Variants in COL28A1 observed in about 807,000 individuals in gnomAD.
The protein encoded by COL28A1 is collagen type XXVIII alpha 1 chain.
COL28A1 carries 161 observed loss-of-function variants against 150.2 expected under a neutral mutation model. The observed-to-expected ratio is 1.07, with a 90% confidence interval of 0.94 to 1.22. The LOEUF is 1.22. Among genes scored for constraint, COL28A1 ranks in the 50% most tolerant of loss-of-function variants. The pLI is 0.00. For missense variants in COL28A1, 1,617 were observed against 1,388.3 expected (o/e 1.16, Z -2.62); for synonymous variants, 552 against 469.7 (o/e 1.18, Z -2.26).
chr7:7,380,998 G>GA (rs1256475384), intron 28 of COL28A1, 136 bp from the exon 29 acceptor site: 34 of 700,842 alleles, frequency 4.9e-5, no homozygotes, highest in African/African-American at 2.2e-4. Context: ...TGCAGTATTT[G>GA]AAAAAAAATT....
At position 7,431,484 on chromosome 7, in the gene COL28A1, T is replaced by C. The variant is rs987592894; in HGVS notation, c.1998+989A>G. 5 of 469,922 alleles carry C rather than the reference T, an allele frequency of 1.1e-5. No individual in the cohort carries two copies. The Admixed American group carries it at 1.2e-4, about 11-fold the overall frequency. 29.1% of individuals were successfully genotyped at this position (469,922 alleles called of 1,614,324 possible). A position where few individuals can be genotyped will look rare whatever the true frequency, so the allele number is the denominator to read the frequency against. On this transcript the variant is annotated intron_variant, in intron 25 of 34. Transcript: ENST00000399429. ...TATGGGTGGTCGGGGAGGTGACATT[T>C]GAGCTAAGCTTTTAATAATCAGCCA...
At chr7:7,515,947 A>G in intron 7 of COL28A1, 107 bp from the exon 8 acceptor site, 1 of 647,542 alleles carries the variant, frequency 1.5e-6, no homozygotes, top group African/African-American at 1.9e-5. Context: ...ACATCTATAC[A>G]GTCTGGAAAA....
intron 27 of COL28A1, among the ~76,000 whole-genome samples, chr7:7,382,753 TA>T (rs1335487622): frequency 1.3e-5 from 2 of 152,076 alleles, no homozygotes; most frequent in Non-Finnish European, 2.9e-5. Context: ...GCATGCTTGA[TA>T]AAAATTGCAT....
At chr7:7,349,857 G>C in the COL28A1 span, among the ~76,000 whole-genome samples, 1 of 152,158 alleles carries the variant, frequency 6.6e-6, no homozygotes, top group Non-Finnish European at 1.5e-5. Flanking sequence ...GAGGTAGGGA[G>C]AGAGTAAGGG....
At position 7,474,684 on chromosome 7, in the gene COL28A1, G is replaced by T. The variant is rs773907245; in HGVS notation, c.1234-15C>A. On this transcript the variant is annotated splice_polypyrimidine_tract_variant and intron_variant, in intron 14 of 34. Transcript: ENST00000399429. ...CCTTTTTCACCCTGAAAGTACAAGG[G>T]AGGGATATCAATGCACCAACCAAAA... is the stretch of plus-strand genomic sequence containing the variant. 1 of 1,181,662 alleles carries T rather than the reference G, an allele frequency of 8.5e-7. No individual in the cohort carries two copies. The highest frequency in any genetic ancestry group is 1.3e-6 in the Non-Finnish European group (1 of 785,234). The allele number at this position is 1,181,662 out of a possible 1,614,324, so 73.2% of individuals were successfully genotyped here.
At position 7,408,771 on chromosome 7, in the gene COL28A1, TA is replaced by T. The variant is rs530995127; in HGVS notation, c.2136+9087del. On this transcript the variant is annotated intron_variant, in intron 27 of 34. Coordinates refer to ENST00000399429, the MANE Select transcript of COL28A1 (RefSeq NM_001037763.3). ...CTCTTTATGTAATACTTCTATCTTA[TA>T]AAAAAAATAGATTATCAGGAAAAAA... Among the ~76,000 whole-genome samples, 642 of 152,038 alleles carry T rather than the reference TA, an allele frequency of 4.2e-3. 2 individuals are homozygous for T. Among genetic ancestry groups the T allele is most frequent in the African/African-American group, 0.015 (607 of 41,486 alleles).
rs202173028 is a variant in COL28A1, at chr7:7,475,107, CCT to C, written c.1234-440_1234-439del. On this transcript the variant is annotated intron_variant, in intron 14 of 34. Coordinates refer to ENST00000399429, the MANE Select transcript of COL28A1 (RefSeq NM_001037763.3). ...AATACTTGCTAGGATTAGATTATTA[CCT>C]TTTTTTTTGTTTATAAACATTCATT... Among the ~76,000 whole-genome samples, 707 of 152,094 alleles carry C rather than the reference CCT, an allele frequency of 4.6e-3. 5 individuals carry two copies. The highest frequency in any genetic ancestry group is 0.022 in the East Asian group (115 of 5,182).
At chr7:7,520,259 C>T in intron 5 of COL28A1, 144 bp from the exon 6 acceptor site, 1 of 512,306 alleles carries the variant, frequency 2.0e-6, no homozygotes, top group Non-Finnish European at 3.4e-6. Context: ...CAATTCTCTT[C>T]TCCCTTTTTC....
intron 25 of COL28A1, among the ~76,000 whole-genome samples, chr7:7,430,521 C>T (rs1784902646): frequency 6.6e-6 from 1 of 152,108 alleles, no homozygotes; most frequent in Non-Finnish European, 1.5e-5. Flanking sequence ...TTTAATATAA[C>T]ATCATGTCTA....
intron 11 of COL28A1, among the ~76,000 whole-genome samples, chr7:7,501,492 T>C (rs1269375252): frequency 6.6e-6 from 1 of 152,096 alleles, no homozygotes; most frequent in East Asian, 1.9e-4. Flanking sequence ...AGAGTGGATT[T>C]GCATGAGATT....
chr7:7,478,546 A>G (rs917921974), intron 13 of COL28A1, among the ~76,000 whole-genome samples: 1 of 152,102 alleles, frequency 6.6e-6, no homozygotes, highest in Non-Finnish European at 1.5e-5. Context: ...CTGCGCCCAC[A>G]CTCCTCAGCC....
chr7:7,369,840 C>T (rs6463688), intron 33 of COL28A1, among the ~76,000 whole-genome samples: 92,106 of 151,956 alleles, frequency 0.61, 31,735 homozygotes, highest in East Asian at 0.88. Context: ...CTTTCATGTA[C>T]ATGAAGGCTT....
intron 18 of COL28A1, among the ~76,000 whole-genome samples, chr7:7,449,279 C>T (rs147645676): frequency 1.1e-4 from 17 of 152,032 alleles, no homozygotes; most frequent in South Asian, 2.1e-4. Flanking sequence ...TGTAATGTAT[C>T]GTATTAACAA....
intron 25 of COL28A1, among the ~76,000 whole-genome samples, chr7:7,426,433 T>C (rs1490324211): frequency 6.6e-6 from 1 of 152,210 alleles, no homozygotes; most frequent in East Asian, 1.9e-4. Flanking sequence ...TTTTTCTAAG[T>C]ATATGCACAT....
intron 27 of COL28A1, among the ~76,000 whole-genome samples, chr7:7,395,056 T>C (rs1336374910): frequency 1.3e-5 from 2 of 151,654 alleles, no homozygotes; most frequent in African/African-American, 4.8e-5. Context: ...CTTTGGGAGG[T>C]TGAGGTGGGA....
chr7:7,368,764 A>G (rs1226419902), intron 33 of COL28A1, among the ~76,000 whole-genome samples: 1 of 152,186 alleles, frequency 6.6e-6, no homozygotes, highest in Non-Finnish European at 1.5e-5. Context: ...AACCTCCAGA[A>G]CTGTGAAAAA....
chr7:7,457,185 A>G (rs1787236399), intron 15 of COL28A1, among the ~76,000 whole-genome samples: 1 of 152,166 alleles, frequency 6.6e-6, no homozygotes, highest in African/African-American at 2.4e-5. Context: ...TTAGGAAGCC[A>G]CTGGAGGGTT....
intron 23 of COL28A1, among the ~76,000 whole-genome samples, chr7:7,433,409 G>C (rs1251891301): frequency 6.6e-6 from 1 of 152,098 alleles, no homozygotes; most frequent in African/African-American, 2.4e-5. Context: ...GCTGAGGTGG[G>C]TGGATCACCA....
chr7:7,487,037 T>C (rs1001779745), intron 13 of COL28A1, among the ~76,000 whole-genome samples: 2 of 152,170 alleles, frequency 1.3e-5, no homozygotes, highest in Admixed American at 1.3e-4. Flanking sequence ...TGTTTTATGT[T>C]TTTTAAAGAA....
Sources: allele counts gnomAD v4.1 joint callset (sites outside exome capture counted in the v4.1 genomes callset), GRCh38; gene constraint gnomAD v4.1.1; transcripts MANE v1.5; gene names NCBI Gene and HGNC (gene_info 2026-07-23, HGNC 2026-07-21).